The following DCLRE1C variants were observed in gnomAD, a reference collection of about 807,000 sequenced individuals.
DCLRE1C encodes protein artemis.
A neutral mutation model predicts 61.4 loss-of-function variants in DCLRE1C; 47 were observed. The observed-to-expected ratio is 0.77, with a 90% CI of 0.61 to 0.98. DCLRE1C has a LOEUF of 0.98. DCLRE1C is among the 50% of genes least tolerant of loss of function. The probability of loss-of-function intolerance (pLI) is 0.00; values close to 1 mark genes in which losing one functional copy is unlikely to be tolerated. For missense variants in DCLRE1C, 858 were observed against 816.0 expected (o/e 1.05, Z -0.63); for synonymous variants, 337 against 287.6 (o/e 1.17, Z -1.74).
chr10:14,927,579 G>C (rs1393192346), intron 10 of DCLRE1C, among the ~76,000 whole-genome samples: 1 of 132,602 alleles, frequency 7.5e-6, no homozygotes, highest in Non-Finnish European at 1.6e-5. Flanking sequence ...GGAGTGGGGG[G>C]GGAGAAAGGA....
exon 14 of DCLRE1C, chr10:14,897,736 A>C (rs1361946582): frequency 6.0e-6 from 2 of 334,468 alleles, no homozygotes; most frequent in Non-Finnish European, 1.1e-5. Context: ...AAATTGATAT[A>C]GTCATCTTTC....
chr10:14,901,389 T>C, downstream of DCLRE1C: 2 of 1,277,074 alleles, frequency 1.6e-6, no homozygotes, highest in Admixed American at 2.1e-5. Context: ...GCACTAAGTT[T>C]GTCATCCTAA....
intron 3 of DCLRE1C, among the ~76,000 whole-genome samples, chr10:14,940,928 G>A (rs1174526051): frequency 6.6e-6 from 1 of 152,220 alleles, no homozygotes; most frequent in African/African-American, 2.4e-5. Context: ...TGTCGCCCAG[G>A]CTGGGGCGCA....
intron 2 of DCLRE1C, among the ~76,000 whole-genome samples, chr10:14,947,950 T>G (rs1841931380): frequency 6.6e-6 from 1 of 152,074 alleles, no homozygotes; most frequent in Admixed American, 6.6e-5. Flanking sequence ...TCCCAGCTAC[T>G]CCGGTGGCTG....
intron 13 of DCLRE1C, among the ~76,000 whole-genome samples, chr10:14,913,745 C>T (rs188660063): frequency 8.0e-4 from 122 of 152,136 alleles, no homozygotes; most frequent in Non-Finnish European, 1.5e-3. Flanking sequence ...TATAAGTAAT[C>T]CAGAGATGAT....
chr10:14,909,003 C>A lies in DCLRE1C; in HGVS notation c.1484G>T (p.Arg495Ile), dbSNP rs1265311779. Residue 495 changes from arginine to isoleucine, a missense_variant, in exon 14 of 14, where the codon AGA becomes ATA. Coordinates refer to ENST00000378278, the MANE Select transcript of DCLRE1C (RefSeq NM_001033855.3). ...ACTCTCATCTGTGATTTCATCATTT[C>A]TTTTAAAGAATACTTCCCACTGGGG... ...DVPQWEVFFK[R>I]NDEITDESLE... 6.2e-7 allele frequency: 1 copy of A among 1,614,028 alleles called. No homozygotes were observed. The highest frequency in any genetic ancestry group is 1.1e-5 in the South Asian group (1 of 91,074).
At chr10:14,912,671 A>T (rs1202694518) in intron 13 of DCLRE1C, among the ~76,000 whole-genome samples, 1 of 152,152 alleles carries the variant, frequency 6.6e-6, no homozygotes, top group Non-Finnish European at 1.5e-5. Context: ...CCAGGCACAA[A>T]ATAGCACATG....
chr10:14,915,290 A>G (rs1835983349), intron 13 of DCLRE1C, among the ~76,000 whole-genome samples: 2 of 152,122 alleles, frequency 1.3e-5, no homozygotes, highest in Admixed American at 6.5e-5. Flanking sequence ...GTGGAATTCA[A>G]TGAAATAGAA....
intron 12 of DCLRE1C, chr10:14,920,293 G>T: frequency 2.7e-6 from 2 of 727,540 alleles, no homozygotes; most frequent in Non-Finnish European, 3.5e-6. Context: ...AATTTATCTT[G>T]TCATTCTAGG....
chr10:14,949,818 G>A (rs139777474), intron 1 of DCLRE1C, among the ~76,000 whole-genome samples: 71 of 152,300 alleles, frequency 4.7e-4, no homozygotes, highest in African/African-American at 1.7e-3. Flanking sequence ...GCCGACGTAG[G>A]CGGATCACCT....
chr10:14,926,274 C>T (rs1388856811), intron 11 of DCLRE1C, among the ~76,000 whole-genome samples: 1 of 152,096 alleles, frequency 6.6e-6, no homozygotes, highest in East Asian at 1.9e-4. Context: ...CACCACTCTC[C>T]ACAAGTCCAC....
At chr10:14,954,241 A>T, upstream of DCLRE1C, 1 of 652,370 alleles carries the variant, frequency 1.5e-6, no homozygotes, top group Non-Finnish European at 2.7e-6. Flanking sequence ...GCTGCACGCG[A>T]TGGGCCCTGA....
At chr10:14,950,015 G>T (rs1425595107) in intron 1 of DCLRE1C, among the ~76,000 whole-genome samples, 1 of 151,574 alleles carries the variant, frequency 6.6e-6, no homozygotes, top group Non-Finnish European at 1.5e-5. Flanking sequence ...ACTGCACTTC[G>T]GCCTGGGCGA....
At chr10:14,915,080 AG>A (rs1835949746) in intron 13 of DCLRE1C, among the ~76,000 whole-genome samples, 1 of 152,192 alleles carries the variant, frequency 6.6e-6, no homozygotes, top group Admixed American at 6.5e-5. Context: ...AAAGAAAAAA[AG>A]TCAAAGGAAA....
At chr10:14,929,158 A>G (rs1051541966) in intron 9 of DCLRE1C, among the ~76,000 whole-genome samples, 3 of 152,022 alleles carry the variant, frequency 2.0e-5, no homozygotes, top group Admixed American at 2.0e-4. Flanking sequence ...TAATCCCAGC[A>G]CTCTGGGAGG....
rs953063028 is a variant in DCLRE1C at position 14,905,829 on chromosome 10, A to G, written c.*2579T>C. 6.6e-6 allele frequency among the ~76,000 whole-genome samples: 1 copy of G among 152,148 alleles called. No homozygotes were observed. The highest frequency in any genetic ancestry group is 2.4e-5 in the African/African-American group (1 of 41,420). On this transcript the variant is annotated 3_prime_UTR_variant, in exon 14 of 14. Transcript: ENST00000378278. ...GTGAAACCCTGTCTCTACTAAAAATACAAAAATTAGCCAGGTGTGGCACAC... is the reference window on the plus strand; with the variant it reads ...GTGAAACCCTGTCTCTACTAAAAATGCAAAAATTAGCCAGGTGTGGCACAC...
intron 1 of DCLRE1C, among the ~76,000 whole-genome samples, chr10:14,952,736 G>A (rs190446557): frequency 2.0e-5 from 3 of 152,200 alleles, no homozygotes; most frequent in East Asian, 1.9e-4. Context: ...AGAAGGAGAT[G>A]CTCAAAGACG....
intron 9 of DCLRE1C, among the ~76,000 whole-genome samples, chr10:14,932,110 G>A (rs1839100299): frequency 6.6e-6 from 1 of 152,102 alleles, no homozygotes; most frequent in African/African-American, 2.4e-5. Context: ...GGTGGTCCCA[G>A]CTACATAGGA....
intron 13 of DCLRE1C, among the ~76,000 whole-genome samples, chr10:14,919,518 G>C (rs974254684): frequency 5.9e-5 from 9 of 152,148 alleles, no homozygotes; most frequent in African/African-American, 1.9e-4. Context: ...CGATGGCACC[G>C]TTTTCACCAC....
Sources: allele counts gnomAD v4.1 joint callset (sites outside exome capture counted in the v4.1 genomes callset), GRCh38; gene constraint gnomAD v4.1.1; transcripts MANE v1.5; gene names NCBI Gene and HGNC (gene_info 2026-07-23, HGNC 2026-07-21).